PCDHA4: variants seen among roughly 807,000 people sequenced by gnomAD.
The protein encoded by PCDHA4 is protocadherin alpha-4.
A neutral mutation model predicts 61.4 loss-of-function variants in PCDHA4; 49 were observed. The ratio of observed to expected loss-of-function variants is 0.80; its 90% CI spans 0.63 to 1.01. The LOEUF is 1.01. Among genes scored for constraint, PCDHA4 ranks in the 50% least tolerant of loss-of-function variants. The pLI, the probability that PCDHA4 is intolerant of heterozygous loss-of-function variation, is 0.00. For synonymous variants in PCDHA4, 590 were observed against 550.3 expected (o/e 1.07, Z -1.01); for missense variants, 1,254 against 1,235.8 (o/e 1.01, Z -0.22).
At position 140,808,504 on chromosome 5, in the gene PCDHA4, C is replaced by T; in HGVS notation, c.1317C>T (p.Ala439=). 1 of 1,614,146 alleles carries T rather than the reference C, an allele frequency of 6.2e-7. No homozygotes were observed. The highest frequency in any genetic ancestry group is 8.5e-7 in the Non-Finnish European group (1 of 1,180,038). ...GCTCGCCTTCGCTGTGGGCCACGGCCAGTGTTTCTGTGGAGGTGGCTGATG... is the reference window on the plus strand; with the variant it reads ...GCTCGCCTTCGCTGTGGGCCACGGCTAGTGTTTCTGTGGAGGTGGCTGATG... ...DGGSPSLWAT[A]SVSVEVADVN... The change falls in exon 1 of 4, where the codon GCC becomes GCT. Residue 439 remains alanine, a synonymous_variant. Coordinates refer to ENST00000530339, the MANE Select transcript of PCDHA4 (RefSeq NM_018907.4).
Position 140,927,111 on chromosome 5 carries a change from C to T in PCDHA4, c.2386-51838C>T. Reference sequence around the variant, plus strand: ...ACTTCGGGGTGGATCTACCCAGCGGCAATTTGGTGGTCAGAGAGCCGGCGG... The same window carrying T: ...ACTTCGGGGTGGATCTACCCAGCGGTAATTTGGTGGTCAGAGAGCCGGCGG... On this transcript the variant is annotated intron_variant, in intron 1 of 3. Transcript: ENST00000530339. The T allele has an allele frequency of 3.7e-6, 6 of 1,613,856 alleles. No individual in the cohort carries two copies. In the Middle Eastern group the frequency reaches 8.3e-4, roughly 222 times the overall value.
intron 1 of PCDHA4, among the ~76,000 whole-genome samples, chr5:140,907,407 C>G (rs1438882988): frequency 3.3e-5 from 5 of 152,168 alleles, no homozygotes; most frequent in African/African-American, 1.2e-4. Flanking sequence ...GTGTGGAATA[C>G]CACGATGGTG....
chr5:140,839,742 T>A (rs1554137563), intron 1 of PCDHA4, among the ~76,000 whole-genome samples: 2 of 152,054 alleles, frequency 1.3e-5, no homozygotes, highest in Non-Finnish European at 2.9e-5. Flanking sequence ...ATACCCTTAT[T>A]TGCCTTTCCT....
intron 1 of PCDHA4, among the ~76,000 whole-genome samples, chr5:140,840,919 A>C (rs2150310100): frequency 6.6e-5 from 10 of 152,182 alleles, no homozygotes; most frequent in African/African-American, 2.2e-4. Context: ...TAAATTTATT[A>C]TTAATTGATA....
intron 1 of PCDHA4, chr5:140,877,460 C>T: frequency 6.2e-7 from 1 of 1,613,840 alleles, no homozygotes; most frequent in Non-Finnish European, 8.5e-7. Context: ...ACGTCCACGG[C>T]CACGGTGCTG....
chr5:140,808,810 C>T lies in PCDHA4; in HGVS notation c.1623C>T (p.Gly541=), dbSNP rs536397665. Reference sequence around the variant, plus strand: ...TTCAGGTGACCGCTCGCGATGCCGGCGTGCCACCTCTGGGCAGCAACGTGA... The same window carrying T: ...TTCAGGTGACCGCTCGCGATGCCGGTGTGCCACCTCTGGGCAGCAACGTGA... The part of the protein sequence containing the change: ...LQFQVTARDA[G]VPPLGSNVTL... Residue 541 remains glycine (G), a synonymous_variant, in exon 1 of 4, where the codon GGC becomes GGT. Coordinates refer to ENST00000530339, the MANE Select transcript of PCDHA4 (RefSeq NM_018907.4). The T allele has an allele frequency of 2.5e-6, 4 of 1,612,770 alleles. No individual in the cohort carries two copies. In the African/African-American group the frequency reaches 5.3e-5, roughly 21 times the overall value.
chr5:140,891,226 C>T (rs1417836006), intron 1 of PCDHA4, among the ~76,000 whole-genome samples: 1 of 152,026 alleles, frequency 6.6e-6, no homozygotes, highest in Admixed American at 6.6e-5. Flanking sequence ...TTATAATCAT[C>T]CTGTTCTGGA....
chr5:140,852,811 G>A (rs2150522776), intron 1 of PCDHA4: 7 of 973,542 alleles, frequency 7.2e-6, no homozygotes, highest in East Asian at 1.1e-4. Flanking sequence ...TTTGTCTCCC[G>A]CCCTAAGTCC....
intron 1 of PCDHA4, among the ~76,000 whole-genome samples, chr5:140,938,727 GA>G (rs2092176789): frequency 6.6e-6 from 1 of 151,904 alleles, no homozygotes; most frequent in Admixed American, 6.6e-5. Flanking sequence ...CGTTTCTACA[GA>G]AAAAAATAAT....
chr5:140,834,395 G>C, intron 1 of PCDHA4: 1 of 1,598,712 alleles, frequency 6.3e-7, no homozygotes, highest in Non-Finnish European at 8.5e-7. Flanking sequence ...TGGTGTGCCC[G>C]AATGGATACG....
chr5:140,892,536 A>G (rs916916323), intron 1 of PCDHA4, among the ~76,000 whole-genome samples: 1 of 152,208 alleles, frequency 6.6e-6, no homozygotes, highest in African/African-American at 2.4e-5. Flanking sequence ...CAGGATTCTG[A>G]CTTTTGTTTC....
At chr5:140,966,670 G>C in intron 1 of PCDHA4, 1 of 1,283,064 alleles carries the variant, frequency 7.8e-7, no homozygotes, top group Non-Finnish European at 1.0e-6. Flanking sequence ...AGCAGGCGCA[G>C]GGTGGCACGA....
intron 1 of PCDHA4, chr5:140,834,446 A>G (rs1220656854): frequency 1.2e-5 from 19 of 1,598,524 alleles, no homozygotes; most frequent in Non-Finnish European, 1.6e-5. Context: ...TTATAATTCT[A>G]GCAGCTTGGG....
At chr5:140,884,503 AGGGAGTT>A (rs782338567) in intron 1 of PCDHA4, 2 of 1,613,940 alleles carry the variant, frequency 1.2e-6, no homozygotes, top group Non-Finnish European at 1.7e-6. Context: ...CCAGCGCGGC[AGGGAGTT>A]GGTCGTACTC....
intron 1 of PCDHA4, among the ~76,000 whole-genome samples, chr5:140,826,168 G>A (rs1554130469): frequency 6.6e-6 from 1 of 152,116 alleles, no homozygotes; most frequent in Non-Finnish European, 1.5e-5. Flanking sequence ...AATAGTTTTT[G>A]TCATTCTATA....
Position 140,839,560 on chromosome 5 carries a change from T to C in PCDHA4, c.2385+29988T>C, listed in dbSNP as rs1438393943. On this transcript the variant is annotated intron_variant, in intron 1 of 3. Transcript: ENST00000530339. ...ACACACCACCATGCCCAACTAATTT[T>C]TGTATTTTTTGTAGAGATGGGGTCT... Among the ~76,000 whole-genome samples the C allele has an allele frequency of 2.0e-5, 3 of 151,986 alleles. No individual in the cohort carries two copies. In the East Asian group the frequency reaches 5.8e-4, roughly 29 times the overall value.
Position 140,807,749 on chromosome 5 carries a change from C to T in PCDHA4, c.562C>T (p.Leu188=), listed in dbSNP as rs782346248. 7 of 1,614,138 alleles carry T rather than the reference C, an allele frequency of 4.3e-6. No homozygotes were observed. In the Admixed American group the frequency reaches 1.2e-4, roughly 27 times the overall value. The part of the protein sequence containing the change: ...FSLEKPPDDE[L]VKGLGLILRK... Reference sequence around the variant, plus strand: ...TCTGGAAAAACCACCTGATGACGAGCTGGTAAAAGGTCTTGGGCTTATATT... The same window carrying T: ...TCTGGAAAAACCACCTGATGACGAGTTGGTAAAAGGTCTTGGGCTTATATT... Residue 188 remains leucine (L), a synonymous_variant, in exon 1 of 4, where the codon CTG becomes TTG. Transcript: ENST00000530339.
chr5:140,847,669 G>A (rs2150402722), intron 1 of PCDHA4: 11 of 149,670 alleles, frequency 7.3e-5, no homozygotes, highest in African/African-American at 2.7e-4. Flanking sequence ...TATAAAGCTT[G>A]GAAAGAATCA....
At chr5:140,902,103 A>AT (rs1435105079) in intron 1 of PCDHA4, among the ~76,000 whole-genome samples, 1 of 151,172 alleles carries the variant, frequency 6.6e-6, no homozygotes, top group Non-Finnish European at 1.5e-5. Context: ...GAGTCTTTAG[A>AT]TTTTTTTAAA....
Sources: allele counts gnomAD v4.1 joint callset (sites outside exome capture counted in the v4.1 genomes callset), GRCh38; gene constraint gnomAD v4.1.1; transcripts MANE v1.5; gene names NCBI Gene and HGNC (gene_info 2026-07-23, HGNC 2026-07-21).